LRRC59: variants seen among roughly 807,000 people sequenced by gnomAD.
LRRC59 encodes the protein leucine rich repeat containing 59.
A neutral mutation model predicts 33.5 loss-of-function variants in LRRC59; 18 were observed. The observed-to-expected ratio is 0.54, with a 90% CI of 0.37 to 0.80. LRRC59 has a LOEUF of 0.80. Among genes scored for constraint, LRRC59 ranks in the 30% least tolerant of loss-of-function variants. The probability of loss-of-function intolerance (pLI) is 0.00; values close to 1 mark genes in which losing one functional copy is unlikely to be tolerated. For synonymous variants in LRRC59, 138 were observed against 160.0 expected, an observed-to-expected ratio of 0.86 and a Z score of 1.04; for missense variants, 330 against 391.9, an observed-to-expected ratio of 0.84 and a Z score of 1.33.
intron 4 of LRRC59, among the ~76,000 whole-genome samples, chr17:50,388,630 GAA>G (rs1914069692): frequency 6.6e-6 from 1 of 152,228 alleles, no homozygotes; most frequent in Non-Finnish European, 1.5e-5. Flanking sequence ...CTTAGTTGGA[GAA>G]GAGTGCTATG....
chr17:50,392,958 A>T, intron 2 of LRRC59, 61 bp from the exon 3 acceptor site: 1 of 1,489,364 alleles, frequency 6.7e-7, no homozygotes, highest in Non-Finnish European at 9.2e-7. Context: ...CGACAGCTTT[A>T]AATGTGGCCC....
Position 50,394,031 on chromosome 17 carries a change from T to A in LRRC59, c.165+898A>T, listed in dbSNP as rs147028914. ...AACACAAAATACTTTCTGGAAGAAG[T>A]GAGATCTCGATGCTTTTTGAATGTT... On this transcript the variant is annotated intron_variant, in intron 2 of 6. Transcript: ENST00000225972. 1.8e-4 allele frequency among the ~76,000 whole-genome samples: 27 copies of A among 152,298 alleles called. No homozygotes were observed. The East Asian group carries it at 5.0e-3, about 28-fold the overall frequency.
chr17:50,392,319 G>A, intron 4 of LRRC59, 79 bp downstream of exon 4: 2 of 1,104,792 alleles, frequency 1.8e-6, no homozygotes, highest in Non-Finnish European at 2.8e-6. Context: ...AGCTCCAGGT[G>A]CCCTAGGAGG....
rs182547525 is a variant in LRRC59 at position 50,381,369 on chromosome 17, G to T, written c.*1619C>A. 8.1e-5 allele frequency: 16 copies of T among 196,460 alleles called. No individual in the cohort carries two copies. The East Asian group carries it at 2.0e-3, about 24-fold the overall frequency. 12.2% of individuals were successfully genotyped at this position (196,460 alleles called of 1,614,324 possible). A position where few individuals can be genotyped will look rare whatever the true frequency, so the allele number is the denominator to read the frequency against. On this transcript the variant is annotated 3_prime_UTR_variant, in exon 7 of 7. Transcript: ENST00000225972. ...AGCTGCCTCAACCGGCCAAGGAACG[G>T]GATTATGATGACTATGCGGACTTCT...
chr17:50,393,376 TTC>T lies in LRRC59; in HGVS notation c.166-481_166-480del, dbSNP rs532416982. Among the ~76,000 whole-genome samples, 35 of 152,138 alleles carry T rather than the reference TTC, an allele frequency of 2.3e-4. No individual in the cohort carries two copies. In the South Asian group the frequency reaches 7.3e-3, roughly 32 times the overall value. On this transcript the variant is annotated intron_variant, in intron 2 of 6. Transcript: ENST00000225972. ...GCTCCTGGAGAGGTGTGGTTACCCATTCTGTCCTTCCACAGCACCCTATGCTC... is the reference window on the plus strand; with the variant it reads ...GCTCCTGGAGAGGTGTGGTTACCCATTGTCCTTCCACAGCACCCTATGCTC...
chr17:50,392,983 A>C (rs1914184202), intron 2 of LRRC59, 86 bp from the exon 3 acceptor site: 1 of 1,310,366 alleles, frequency 7.6e-7, no homozygotes, highest in Admixed American at 2.1e-5. Flanking sequence ...CAAATTTGTA[A>C]CCTTTCTTAA....
chr17:50,395,974 T>C (rs1914264594), intron 1 of LRRC59: 1 of 151,980 alleles, frequency 6.6e-6, no homozygotes, highest in African/African-American at 2.4e-5. Flanking sequence ...TCAGCAAAAC[T>C]TTCTCCCTAA....
Position 50,397,413 on chromosome 17 carries a change from A to T in LRRC59, c.-96T>A, listed in dbSNP as rs988363098. 4 of 903,944 alleles carry T rather than the reference A, an allele frequency of 4.4e-6. No individual in the cohort carries two copies. The African/African-American group carries it at 7.0e-5, about 16-fold the overall frequency. The allele number at this position is 903,944 out of a possible 1,614,324, so 56.0% of individuals were successfully genotyped here. A position where few individuals can be genotyped will look rare whatever the true frequency, so the allele number is the denominator to read the frequency against. Reference sequence around the variant, plus strand: ...AGTTCAGCGGCCCCCCACCCAAACGACGACGCCTGAGCCCTCCGTCGCCGC... The same window carrying T: ...AGTTCAGCGGCCCCCCACCCAAACGTCGACGCCTGAGCCCTCCGTCGCCGC... On this transcript the variant is annotated 5_prime_UTR_variant, in exon 1 of 7. Transcript: ENST00000225972.
At position 50,392,788 on chromosome 17, in the gene LRRC59, A is replaced by T. The variant is rs200512962; in HGVS notation, c.275T>A (p.Leu92His). 4.3e-6 allele frequency: 7 copies of T among 1,614,162 alleles called. No individual in the cohort carries two copies. The highest frequency in any genetic ancestry group is 2.2e-5 in the East Asian group (1 of 44,886). The change falls in exon 3 of 7, where the codon CTC (leucine) becomes CAC (histidine). Residue 92 changes from leucine to histidine, a missense_variant. Leu to His is a moderately conservative substitution (Grantham distance 99, BLOSUM62 -3). Transcript: ENST00000225972. ...CAAGGTGACCAGCTTGTTGTTGAGGAGATCCAGGTGCTGGAGGTTGACCAG... is the reference window on the plus strand; with the variant it reads ...CAAGGTGACCAGCTTGTTGTTGAGGTGATCCAGGTGCTGGAGGTTGACCAG... The part of the protein sequence containing the change: ...GRLVNLQHLD[L>H]LNNKLVTLPV...
chr17:50,395,113 A>G (rs1567822907), intron 1 of LRRC59, 125 bp from the exon 2 acceptor site: 5 of 647,766 alleles, frequency 7.7e-6, no homozygotes, highest in Admixed American at 2.3e-5. Flanking sequence ...AAATGGCAGT[A>G]AAGAGTAATG....
In LRRC59 at chr17:50,392,793, C is replaced by T; in HGVS notation, c.270G>A (p.Leu90=). The T allele has an allele frequency of 6.2e-7, 1 of 1,614,146 alleles. No homozygotes were observed. The highest frequency in any genetic ancestry group is 8.5e-7 in the Non-Finnish European group (1 of 1,180,018). ...DFGRLVNLQH[L]DLLNNKLVTL... is the part of the protein sequence containing the mutation. The stretch of plus-strand genomic sequence containing the variant: ...TGACCAGCTTGTTGTTGAGGAGATC[C>T]AGGTGCTGGAGGTTGACCAGACGGC... Residue 90 remains leucine (L), a synonymous_variant, in exon 3 of 7, where the codon CTG becomes CTA. Transcript: ENST00000225972.
At chr17:50,387,983 C>T in intron 5 of LRRC59, 77 bp downstream of exon 5, 2 of 1,434,274 alleles carry the variant, frequency 1.4e-6, no homozygotes, top group Admixed American at 3.3e-5. Flanking sequence ...TCTACTGGAT[C>T]CCAGCTCCTG....
At chr17:50,384,626 G>A (rs891793359) in intron 6 of LRRC59, among the ~76,000 whole-genome samples, 45 of 152,080 alleles carry the variant, frequency 3.0e-4, no homozygotes, top group African/African-American at 1.0e-3. Context: ...TTAGCTGGGC[G>A]TGGTGGCACA....
chr17:50,386,447 C>G (rs1354958586), intron 5 of LRRC59, among the ~76,000 whole-genome samples: 1 of 152,188 alleles, frequency 6.6e-6, no homozygotes, highest in Non-Finnish European at 1.5e-5. Flanking sequence ...AGCCAGAATG[C>G]CACAAATGAT....
Position 50,392,853 on chromosome 17 carries a change from A to T in LRRC59, c.210T>A (p.Ser70Arg), listed in dbSNP as rs1191491998. Residue 70 changes from serine to arginine, a missense_variant, in exon 3 of 7, where the codon AGT (serine) becomes AGA (arginine). Physicochemically the swap from Ser to Arg is moderately radical, Grantham distance 110. Coordinates refer to ENST00000225972, the MANE Select transcript of LRRC59 (RefSeq NM_018509.4). ...GLTHLVKLDL[S>R]KNKLQQLPAD... ...CTGGCAGCTGCTGCAGCTTGTTCTT[A>T]CTCAGGTCTAGCTTCACCAGGTGTG... The T allele has an allele frequency of 6.2e-7, 1 of 1,613,928 alleles. No homozygotes were observed. Among genetic ancestry groups the T allele is most frequent in the South Asian group, 1.1e-5 (1 of 91,072 alleles).
chr17:50,393,412 T>C (rs373728163), intron 2 of LRRC59, among the ~76,000 whole-genome samples: 1 of 130,276 alleles, frequency 7.7e-6, no homozygotes, highest in South Asian at 2.5e-4. Flanking sequence ...TCACCATTCA[T>C]AGGATCTGTC....
At chr17:50,387,188 G>A (rs891255276) in intron 5 of LRRC59, among the ~76,000 whole-genome samples, 4 of 152,200 alleles carry the variant, frequency 2.6e-5, no homozygotes, top group Admixed American at 6.5e-5. Context: ...CTCTAATCCA[G>A]TGGTTCTAAA....
rs542694119 is a variant in LRRC59, at chr17:50,397,016, T to A, written c.105+197A>T. ...GCAGATCTTCCCTATGTTCTGGAAC[T>A]GCGCCAAAGTGACACGTGTACATCC... On this transcript the variant is annotated intron_variant, in intron 1 of 6. Coordinates refer to ENST00000225972, the MANE Select transcript of LRRC59 (RefSeq NM_018509.4). 1.2e-4 allele frequency: 51 copies of A among 439,488 alleles called. 1 individual carries two copies. The highest frequency in any genetic ancestry group is 1.9e-4 in the Non-Finnish European group (46 of 247,840). 27.2% of individuals were successfully genotyped at this position (439,488 alleles called of 1,614,324 possible). A position where few individuals can be genotyped will look rare whatever the true frequency, so the allele number is the denominator to read the frequency against.
intron 5 of LRRC59, 71 bp from the exon 6 acceptor site, chr17:50,385,362 T>A: frequency 6.6e-7 from 1 of 1,504,758 alleles, no homozygotes; most frequent in Admixed American, 1.8e-5. Flanking sequence ...CCCAAGTGAT[T>A]AAAAGTACAG....
Sources: allele counts gnomAD v4.1 joint callset (sites outside exome capture counted in the v4.1 genomes callset), GRCh38; gene constraint gnomAD v4.1.1; transcripts MANE v1.5; gene names NCBI Gene and HGNC (gene_info 2026-07-23, HGNC 2026-07-21).